The following EPSTI1 variants were observed in gnomAD, a reference collection of about 807,000 sequenced individuals.
EPSTI1 encodes epithelial-stromal interaction protein 1.
Under a neutral mutation model 49.9 loss-of-function variants are expected in EPSTI1, and 66 were observed. The ratio of observed to expected loss-of-function variants is 1.32; its 90% CI spans 1.08 to 1.62. The LOEUF (loss-of-function observed/expected upper bound fraction) is 1.62, where lower values mean the gene tolerates loss of function less well. Ranked by LOEUF, EPSTI1 falls within the 40% of genes most tolerant of loss-of-function variation. The pLI, the probability that EPSTI1 is intolerant of heterozygous loss-of-function variation, is 0.00. For synonymous variants in EPSTI1, 137 were observed against 130.7 expected (o/e 1.05, Z -0.33); for missense variants, 394 against 365.5 (o/e 1.08, Z -0.64).
intron 1 of EPSTI1, among the ~76,000 whole-genome samples, chr13:42,975,450 C>T (rs9533328): frequency 0.8 from 121,495 of 152,150 alleles, 48,733 homozygotes; most frequent in Middle Eastern, 0.89. Flanking sequence ...CTTTCATCAG[C>T]ACAACTCATT....
At chr13:42,907,038 A>G (rs2037518237) in intron 8 of EPSTI1, among the ~76,000 whole-genome samples, 1 of 152,172 alleles carries the variant, frequency 6.6e-6, no homozygotes, top group South Asian at 2.1e-4. Context: ...CTATCATCTT[A>G]CTGTCAACCA....
At chr13:42,965,761 C>A (rs2039593279) in intron 3 of EPSTI1, among the ~76,000 whole-genome samples, 1 of 5,542 alleles carries the variant, frequency 1.8e-4, no homozygotes, top group African/African-American at 2.9e-4. Flanking sequence ...CTCCCTCTCC[C>A]TCTCCCTCCT....
chr13:42,902,895 AATTAAGGAT>A (rs2037399863), intron 8 of EPSTI1, among the ~76,000 whole-genome samples: 1 of 152,164 alleles, frequency 6.6e-6, no homozygotes, highest in Non-Finnish European at 1.5e-5. Flanking sequence ...AAATGGTTGG[AATTAAGGAT>A]ATCCTCACGG....
chr13:42,962,103 C>T (rs966351404), intron 5 of EPSTI1, among the ~76,000 whole-genome samples: 1 of 152,206 alleles, frequency 6.6e-6, no homozygotes, highest in African/African-American at 2.4e-5. Flanking sequence ...ACAGGGAAGG[C>T]TAGGATCATG....
At chr13:42,905,358 A>T (rs2037470454) in intron 8 of EPSTI1, among the ~76,000 whole-genome samples, 1 of 152,132 alleles carries the variant, frequency 6.6e-6, no homozygotes, top group South Asian at 2.1e-4. Flanking sequence ...ATAACTAGCA[A>T]AGCATATTTA....
chr13:42,962,527 T>C (rs1180809004), intron 5 of EPSTI1, among the ~76,000 whole-genome samples: 1 of 151,064 alleles, frequency 6.6e-6, no homozygotes, highest in Non-Finnish European at 1.5e-5. Context: ...CCCAGCACTT[T>C]GGGAGGCCAA....
chr13:42,925,195 T>G (rs1566122684), intron 7 of EPSTI1, among the ~76,000 whole-genome samples: 12 of 152,296 alleles, frequency 7.9e-5, no homozygotes, highest in Non-Finnish European at 1.5e-5. Flanking sequence ...ACAGAAGCCT[T>G]GGGGGGCCTC....
chr13:42,936,531 T>C (rs1412887707), intron 6 of EPSTI1, among the ~76,000 whole-genome samples: 1 of 152,190 alleles, frequency 6.6e-6, no homozygotes, highest in African/African-American at 2.4e-5. Context: ...TTTTCCATGA[T>C]ACCACACTCT....
chr13:42,957,805 G>T (rs918512198), intron 5 of EPSTI1, among the ~76,000 whole-genome samples: 2 of 152,196 alleles, frequency 1.3e-5, no homozygotes, highest in Non-Finnish European at 2.9e-5. Context: ...GAACTCCTGG[G>T]ATCAAGCAAT....
Position 42,926,346 on chromosome 13 carries a change from G to A in EPSTI1, c.647C>T (p.Ser216Phe). The A allele has an allele frequency of 1.2e-6, 2 of 1,603,288 alleles. No individual in the cohort carries two copies. The highest frequency in any genetic ancestry group is 1.7e-6 in the Non-Finnish European group (2 of 1,170,114). The stretch of plus-strand genomic sequence containing the variant: ...AAGTAATTCACTTACCCATGTTGAG[G>A]ATTGTGGGCCACAAACAGCACTTTG... The part of the protein sequence containing the change: ...ACQSAVCGPQ[S>F]STWARSWAYR... The change falls in exon 7 of 11, where the codon TCC (serine) becomes TTC (phenylalanine). Residue 216 changes from serine (S) to phenylalanine (F), a missense_variant. Physicochemically the swap from Ser to Phe is radical, Grantham distance 155 (BLOSUM62 -2). Coordinates refer to ENST00000313624, the MANE Select transcript of EPSTI1 (RefSeq NM_033255.5).
intron 6 of EPSTI1, among the ~76,000 whole-genome samples, chr13:42,937,029 G>A (rs1234130412): frequency 6.7e-6 from 1 of 150,286 alleles, no homozygotes; most frequent in Non-Finnish European, 1.5e-5. Context: ...TCATACGTCA[G>A]AGATATTGTG....
intron 7 of EPSTI1, among the ~76,000 whole-genome samples, chr13:42,919,580 GA>G (rs1416630936): frequency 1.2e-4 from 19 of 152,118 alleles, no homozygotes; most frequent in African/African-American, 4.6e-4. Context: ...ACTGTGTCAG[GA>G]CACGATCCCA....
At chr13:42,944,618 T>G (rs2038865038) in intron 6 of EPSTI1, among the ~76,000 whole-genome samples, 1 of 152,152 alleles carries the variant, frequency 6.6e-6, no homozygotes, top group Non-Finnish European at 1.5e-5. Flanking sequence ...TGTATACCTA[T>G]GTAACAAAGC....
intron 6 of EPSTI1, among the ~76,000 whole-genome samples, chr13:42,945,836 C>T (rs1310342016): frequency 6.6e-6 from 1 of 152,158 alleles, no homozygotes; most frequent in African/African-American, 2.4e-5. Flanking sequence ...TGGTTCTAAC[C>T]ATCAACATAA....
chr13:42,907,370 T>A (rs1466073244), intron 8 of EPSTI1, among the ~76,000 whole-genome samples: 2 of 152,232 alleles, frequency 1.3e-5, no homozygotes, highest in African/African-American at 4.8e-5. Context: ...TCCAAAACCT[T>A]CAAATCCTGT....
At chr13:42,979,727 C>A (rs2039954369) in intron 1 of EPSTI1, among the ~76,000 whole-genome samples, 1 of 151,960 alleles carries the variant, frequency 6.6e-6, no homozygotes, top group African/African-American at 2.4e-5. Flanking sequence ...TCTCTTTTAA[C>A]CATATGAAAA....
intron 1 of EPSTI1, among the ~76,000 whole-genome samples, chr13:42,982,446 T>C (rs1383672622): frequency 6.6e-6 from 1 of 152,228 alleles, no homozygotes; most frequent in African/African-American, 2.4e-5. Flanking sequence ...CTTTATTCCT[T>C]TACTTTCTTA....
chr13:42,970,828 G>T (rs9567077), intron 1 of EPSTI1, among the ~76,000 whole-genome samples, 158 bp from the exon 2 acceptor site: 47,730 of 152,062 alleles, frequency 0.31, 7,685 homozygotes, highest in Middle Eastern at 0.5. Context: ...TCTGTTCTCT[G>T]GGACCTCACA....
At chr13:42,991,269 G>A (rs538307458) in intron 1 of EPSTI1, 1 of 152,500 alleles carries the variant, frequency 6.6e-6, no homozygotes, top group African/African-American at 2.4e-5. Context: ...ATTCCGTTTA[G>A]GACACCAAGT....
Sources: allele counts gnomAD v4.1 joint callset (sites outside exome capture counted in the v4.1 genomes callset), GRCh38; gene constraint gnomAD v4.1.1; transcripts MANE v1.5; gene names NCBI Gene and HGNC (gene_info 2026-07-23, HGNC 2026-07-21).